The following RAPGEF6 variants were observed in gnomAD, a reference collection of about 807,000 sequenced individuals.
RAPGEF6 encodes Rap guanine nucleotide exchange factor 6.
Under a neutral mutation model 171.4 loss-of-function variants are expected in RAPGEF6, and 56 were observed. The ratio of observed to expected loss-of-function variants is 0.33; its 90% confidence interval spans 0.26 to 0.41. The LOEUF is 0.41. Ranked by LOEUF, RAPGEF6 falls within the 10% of genes least tolerant of loss-of-function variation. The pLI, the probability that RAPGEF6 is intolerant of heterozygous loss-of-function variation, is 1.00. For missense variants in RAPGEF6, 1,674 were observed against 1,921.4 expected (o/e 0.87, Z 2.41); for synonymous variants, 692 against 650.1 (o/e 1.06, Z -0.98).
intron 4 of RAPGEF6, among the ~76,000 whole-genome samples, chr5:131,581,429 G>A (rs781540944): frequency 2.0e-5 from 3 of 151,976 alleles, no homozygotes; most frequent in South Asian, 2.1e-4. Context: ...TGGGTCTTCC[G>A]ATTAATCTCT....
intron 6 of RAPGEF6, among the ~76,000 whole-genome samples, chr5:131,542,748 T>TA (rs1760239080): frequency 1.3e-5 from 2 of 152,168 alleles, no homozygotes; most frequent in African/African-American, 4.8e-5. Flanking sequence ...AGACTTTTGT[T>TA]AAGAGGACAA....
intron 24 of RAPGEF6, among the ~76,000 whole-genome samples, chr5:131,434,292 T>C (rs1230215497): frequency 6.6e-6 from 1 of 152,252 alleles, no homozygotes; most frequent in African/African-American, 2.4e-5. Flanking sequence ...TGCCAGGCTA[T>C]AGTGCAATGG....
chr5:131,594,216 A>G (rs1227866868), intron 3 of RAPGEF6, among the ~76,000 whole-genome samples: 4 of 152,242 alleles, frequency 2.6e-5, no homozygotes, highest in South Asian at 2.1e-4. Flanking sequence ...TGCTGTTCTC[A>G]TGATAGTGAG....
At chr5:131,452,877 T>A (rs1753199641) in intron 21 of RAPGEF6, among the ~76,000 whole-genome samples, 177 bp downstream of exon 21, 1 of 152,210 alleles carries the variant, frequency 6.6e-6, no homozygotes, top group Non-Finnish European at 1.5e-5. Flanking sequence ...TAACGAAGGC[T>A]AATATCACCT....
chr5:131,563,068 T>A (rs1403533251), intron 4 of RAPGEF6, among the ~76,000 whole-genome samples: 1 of 148,436 alleles, frequency 6.7e-6, no homozygotes, highest in East Asian at 2.0e-4. Context: ...TAATGAAGAA[T>A]AAAAAAAAGC....
At chr5:131,618,634 T>C (rs1161836214) in intron 1 of RAPGEF6, among the ~76,000 whole-genome samples, 1 of 151,984 alleles carries the variant, frequency 6.6e-6, no homozygotes, top group African/African-American at 2.4e-5. Flanking sequence ...GGAGACTCTG[T>C]CTCAAAAAAA....
intron 1 of RAPGEF6, among the ~76,000 whole-genome samples, chr5:131,617,430 A>G (rs1305582423): frequency 1.3e-5 from 2 of 152,278 alleles, no homozygotes; most frequent in African/African-American, 4.8e-5. Context: ...TGTACCACAG[A>G]AAAGATAAAA....
chr5:131,583,109 T>C (rs1007315926), intron 4 of RAPGEF6, among the ~76,000 whole-genome samples: 3 of 152,190 alleles, frequency 2.0e-5, no homozygotes, highest in South Asian at 2.1e-4. Context: ...CCATCAGCAG[T>C]TGAATGCTAA....
chr5:131,626,853 C>T (rs6859469), intron 1 of RAPGEF6, among the ~76,000 whole-genome samples: 117,704 of 152,004 alleles, frequency 0.77, 45,863 homozygotes, highest in Middle Eastern at 0.82. Context: ...TAAATATTAA[C>T]AGCTTCTCTT....
chr5:131,494,778 T>C lies in RAPGEF6; in HGVS notation c.1527+775A>G, dbSNP rs919221536. ...AGTGAGCAGATTATAATAGATCAGA[T>C]ATATTAAGTCCTAAACTAGGGAGTA... On this transcript the variant is annotated intron_variant, in intron 13 of 27. Transcript: ENST00000509018. 2.5e-4 allele frequency among the ~76,000 whole-genome samples: 11 copies of C among 44,536 alleles called. No individual in the cohort carries two copies. The South Asian group carries it at 7.4e-3, about 30-fold the overall frequency. The allele number at this position is 44,536 out of a possible 152,430, so 29.2% of individuals were successfully genotyped here. A position where few individuals can be genotyped will look rare whatever the true frequency, so the allele number is the denominator to read the frequency against.
At chr5:131,539,057 T>A (rs1759963788) in intron 6 of RAPGEF6, among the ~76,000 whole-genome samples, 2 of 152,122 alleles carry the variant, frequency 1.3e-5, no homozygotes, top group Non-Finnish European at 2.9e-5. Context: ...GGGCTGTAAA[T>A]AAAGAGAGAA....
intron 7 of RAPGEF6, among the ~76,000 whole-genome samples, chr5:131,514,673 T>G (rs1271735483): frequency 6.6e-6 from 1 of 151,904 alleles, no homozygotes; most frequent in African/African-American, 2.4e-5. Context: ...AAGAATAAAT[T>G]TGAAGAAAGG....
At chr5:131,608,695 G>A (rs1240687950) in intron 1 of RAPGEF6, among the ~76,000 whole-genome samples, 1 of 152,170 alleles carries the variant, frequency 6.6e-6, no homozygotes, top group East Asian at 1.9e-4. Context: ...ATGCTTGTCT[G>A]AGGGGGTAAG....
At chr5:131,442,225 T>G in intron 23 of RAPGEF6, 124 bp downstream of exon 23, 1 of 930,328 alleles carries the variant, frequency 1.1e-6, no homozygotes, top group Non-Finnish European at 1.5e-6. Context: ...TTTTGATTCA[T>G]AAAGTGACGA....
At chr5:131,467,791 G>C (rs2040821) in intron 17 of RAPGEF6, among the ~76,000 whole-genome samples, 2,156 of 152,306 alleles carry the variant, frequency 0.014, 16 homozygotes, top group Middle Eastern at 0.024. Context: ...TAGCACTTTA[G>C]GGGGCTGAGG....
At chr5:131,479,000 T>C (rs1194233129) in intron 16 of RAPGEF6, among the ~76,000 whole-genome samples, 6 of 152,184 alleles carry the variant, frequency 3.9e-5, no homozygotes, top group African/African-American at 9.7e-5. Context: ...CATGACACTT[T>C]AGTGGACTAA....
chr5:131,550,486 T>G (rs181269476), intron 5 of RAPGEF6, among the ~76,000 whole-genome samples: 115 of 152,312 alleles, frequency 7.6e-4, no homozygotes, highest in South Asian at 6.4e-3. Flanking sequence ...TTTCTAAGAG[T>G]TGATGTCTAA....
intron 1 of RAPGEF6, among the ~76,000 whole-genome samples, chr5:131,623,477 CT>C (rs763921579): frequency 1.8e-3 from 201 of 114,136 alleles, no homozygotes; most frequent in African/African-American, 4.1e-3. Flanking sequence ...TTTCACATTG[CT>C]TTTTTTTTTT....
At chr5:131,486,209 A>G (rs1288420283) in intron 15 of RAPGEF6, among the ~76,000 whole-genome samples, 1 of 152,174 alleles carries the variant, frequency 6.6e-6, no homozygotes, top group Non-Finnish European at 1.5e-5. Flanking sequence ...TTTATCAAGG[A>G]GCTCCTCTCA....
Sources: gnomAD v4.1 joint callset for allele counts (sites outside exome capture counted in the v4.1 genomes callset) on GRCh38, gnomAD v4.1.1 for gene constraint, MANE v1.5 for transcripts, NCBI Gene and HGNC (gene_info 2026-07-23, HGNC 2026-07-21) for gene names.